Variants in SOX6 observed in about 807,000 individuals in gnomAD.
The protein encoded by SOX6 is SRY-box transcription factor 6, also known as transcription factor SOX-6.
In SOX6, 11 loss-of-function variants were observed where a neutral mutation model predicts 97.8. The observed-to-expected ratio is 0.11, with a 90% confidence interval of 0.07 to 0.19. The LOEUF is 0.19. Among genes scored for constraint, SOX6 ranks in the 10% least tolerant of loss-of-function variants. The pLI is 1.00. For missense variants in SOX6, 810 were observed against 1,039.5 expected (o/e 0.78, Z 3.04); for synonymous variants, 360 against 371.4 (o/e 0.97, Z 0.35).
chr11:16,643,777 G>A (rs552885076), intron 3 of SOX6, among the ~76,000 whole-genome samples: 2 of 152,320 alleles, frequency 1.3e-5, no homozygotes, highest in East Asian at 1.9e-4. Flanking sequence ...GCAGTATTAG[G>A]GTGGGAGTGA....
In SOX6 at chr11:16,380,051, G is replaced by A. The variant is rs980422500; in HGVS notation, c.-4-38799C>T. ...TACATATATGCATATTAGATAGATA[G>A]GCACAGACATAAAATCTTCAATACA... On this transcript the variant is annotated intron_variant, in intron 1 of 15. Transcript: ENST00000396356. 3.3e-5 allele frequency among the ~76,000 whole-genome samples: 5 copies of A among 151,336 alleles called. No individual in the cohort carries two copies. In the South Asian group the frequency reaches 1.0e-3, roughly 32 times the overall value.
chr11:16,111,005 C>A (rs984409758), intron 7 of SOX6, among the ~76,000 whole-genome samples: 3 of 152,178 alleles, frequency 2.0e-5, no homozygotes, highest in African/African-American at 7.2e-5. Context: ...AAGGTCACTA[C>A]TTCTGAGCTG....
chr11:16,476,563 A>G (rs1246117014), upstream of SOX6, among the ~76,000 whole-genome samples: 1 of 152,218 alleles, frequency 6.6e-6, no homozygotes, highest in Non-Finnish European at 1.5e-5. Context: ...CAATTATTTC[A>G]TGGTTCTACA....
At chr11:16,421,642 C>CTGCA (rs1183437352) in intron 1 of SOX6, among the ~76,000 whole-genome samples, 1 of 152,154 alleles carries the variant, frequency 6.6e-6, no homozygotes, top group Non-Finnish European at 1.5e-5. Context: ...AGAAAACAAG[C>CTGCA]TGCACTATCT....
At chr11:16,022,225 G>A (rs949455667) in intron 12 of SOX6, among the ~76,000 whole-genome samples, 1 of 152,002 alleles carries the variant, frequency 6.6e-6, no homozygotes, top group African/African-American at 2.4e-5. Flanking sequence ...GCTAAACTAC[G>A]ATGACAGTGT....
chr11:16,624,642 T>A (rs1848597606), intron 3 of SOX6, among the ~76,000 whole-genome samples: 2 of 152,210 alleles, frequency 1.3e-5, no homozygotes, highest in African/African-American at 4.8e-5. Flanking sequence ...CAGGTAAAAA[T>A]CTTAGAGTGG....
intron 3 of SOX6, among the ~76,000 whole-genome samples, chr11:16,702,819 A>C (rs1192838895): frequency 6.6e-6 from 1 of 151,976 alleles, no homozygotes; most frequent in African/African-American, 2.4e-5. Context: ...TTTATGAACA[A>C]GGAAAGAAAA....
At position 16,561,895 on chromosome 11, in the gene SOX6, A is replaced by ATT. The variant is rs34946551; in HGVS notation, n.609+50184_609+50185dup. Among the ~76,000 whole-genome samples the ATT allele has an allele frequency of 5.2e-3, 771 of 149,334 alleles. 6 individuals carry two copies. The highest frequency in any genetic ancestry group is 0.017 in the African/African-American group (700 of 40,712). ...ATGTACACATCACCACACCTGGCTA[A>ATT]TTTTTTTTTTTCATAGAGACAGAAA... On this transcript the variant is annotated intron_variant and non_coding_transcript_variant, in intron 4 of 5. Transcript: ENST00000524520.
intron 4 of SOX6, among the ~76,000 whole-genome samples, chr11:16,604,893 T>C (rs1848315623): frequency 6.6e-6 from 1 of 152,184 alleles, no homozygotes. Context: ...CAATTCTTTT[T>C]ATCTTAAAGC....
intron 3 of SOX6, among the ~76,000 whole-genome samples, chr11:16,632,807 G>A (rs1359049844): frequency 6.6e-6 from 1 of 152,222 alleles, no homozygotes; most frequent in African/African-American, 2.4e-5. Context: ...GGCGTGGAGT[G>A]GAGAGGGACC....
chr11:16,131,959 G>C (rs1849751264), intron 6 of SOX6, among the ~76,000 whole-genome samples: 1 of 151,788 alleles, frequency 6.6e-6, no homozygotes, highest in African/African-American at 2.4e-5. Context: ...GGGACTAAAA[G>C]TTACATATGG....
intron 3 of SOX6, among the ~76,000 whole-genome samples, chr11:16,237,574 C>A (rs1853061555): frequency 6.6e-6 from 1 of 151,664 alleles, no homozygotes; most frequent in Admixed American, 6.6e-5. Context: ...ATGCAAAAAT[C>A]AAAGTGGTAA....
At chr11:16,356,863 G>A (rs1857089874), upstream of SOX6, among the ~76,000 whole-genome samples, 1 of 152,070 alleles carries the variant, frequency 6.6e-6, no homozygotes, top group African/African-American at 2.4e-5. Context: ...AAAAAAGCCT[G>A]CTAGGAAAAG....
At chr11:16,306,090 C>A (rs1037101596) in intron 3 of SOX6, among the ~76,000 whole-genome samples, 1 of 152,008 alleles carries the variant, frequency 6.6e-6, no homozygotes, top group African/African-American at 2.4e-5. Context: ...ATACACACCC[C>A]CACACACAAC....
At chr11:16,211,311 G>A (rs150888746) in intron 4 of SOX6, among the ~76,000 whole-genome samples, 50 of 152,198 alleles carry the variant, frequency 3.3e-4, no homozygotes, top group Admixed American at 3.1e-3. Context: ...TGGCTTCTGT[G>A]TGGAAAACAG....
At chr11:16,414,209 T>G (rs895927129) in intron 1 of SOX6, among the ~76,000 whole-genome samples, 52 of 152,186 alleles carry the variant, frequency 3.4e-4, no homozygotes, top group Admixed American at 3.4e-3. Flanking sequence ...TGCCAATTCC[T>G]TCTTTTTGTT....
At chr11:16,642,332 C>T (rs1014268006) in intron 3 of SOX6, among the ~76,000 whole-genome samples, 4 of 152,264 alleles carry the variant, frequency 2.6e-5, no homozygotes, top group African/African-American at 2.4e-5. Flanking sequence ...CAGCCTTTCT[C>T]TGTGGCTGCC....
At chr11:16,074,203 GCT>G (rs1240195958) in intron 9 of SOX6, among the ~76,000 whole-genome samples, 1 of 151,996 alleles carries the variant, frequency 6.6e-6, no homozygotes, top group Non-Finnish European at 1.5e-5. Flanking sequence ...TAGACCACTA[GCT>G]AGATTAATAA....
intron 1 of SOX6, among the ~76,000 whole-genome samples, chr11:16,380,506 T>A (rs940061112): frequency 6.6e-6 from 1 of 152,170 alleles, no homozygotes; most frequent in East Asian, 1.9e-4. Context: ...TTTATCTAAA[T>A]CCATTCTACC....
Sources: allele counts gnomAD v4.1 joint callset (sites outside exome capture counted in the v4.1 genomes callset), GRCh38; gene constraint gnomAD v4.1.1; transcripts MANE v1.5; gene names NCBI Gene and HGNC (gene_info 2026-07-23, HGNC 2026-07-21).